Variants in PDE1A observed in about 807,000 individuals in gnomAD.
PDE1A encodes the protein phosphodiesterase 1A, also known as dual specificity calcium/calmodulin-dependent 3',5'-cyclic nucleotide phosphodiesterase 1A.
In PDE1A, 35 loss-of-function variants were observed where a neutral mutation model predicts 61.7. The observed-to-expected ratio is 0.57, with a 90% CI of 0.43 to 0.75. PDE1A has a LOEUF of 0.75. Among genes scored for constraint, PDE1A ranks in the 30% least tolerant of loss-of-function variants. The pLI, the probability that PDE1A is intolerant of heterozygous loss-of-function variation, is 0.00. For missense variants in PDE1A, 597 were observed against 630.6 expected (o/e 0.95, Z 0.57); for synonymous variants, 232 against 213.2 (o/e 1.09, Z -0.77).
At chr2:182,326,003 T>C (rs560138135) in intron 1 of PDE1A, among the ~76,000 whole-genome samples, 1 of 152,118 alleles carries the variant, frequency 6.6e-6, no homozygotes, top group Non-Finnish European at 1.5e-5. Flanking sequence ...TCCAAAGCTA[T>C]ATAAATGGCA....
the PDE1A span, among the ~76,000 whole-genome samples, chr2:182,577,931 C>CGGAAGGAAGGAAGGAAGGAAGGAAGGAA: frequency 6.7e-4 from 55 of 82,224 alleles, 1 homozygote; most frequent in African/African-American, 2.4e-3. Context: ...AGAAAGAAAA[C>CGGAAGGAAGGAAGGAAGGAAGGAAGGAA]GGAAGGAAGG....
the PDE1A span, among the ~76,000 whole-genome samples, chr2:182,569,845 C>T: frequency 6.6e-6 from 1 of 152,202 alleles, no homozygotes; most frequent in African/African-American, 2.4e-5. Context: ...AACCTTCTTT[C>T]GATACTACTC....
chr2:182,472,838 C>A lies in PDE1A; in HGVS notation c.101+49438G>T, dbSNP rs566109281. On this transcript the variant is annotated intron_variant, in intron 2 of 14. Coordinates refer to the PDE1A transcript ENST00000410103. The stretch of plus-strand genomic sequence containing the variant: ...TCTTTAGGCAAAAAGAAAAACAAAA[C>A]TTTTTTTAAATAAATACATTTAGAG... 5.3e-5 allele frequency among the ~76,000 whole-genome samples: 8 copies of A among 151,868 alleles called. No homozygotes were observed. The South Asian group carries it at 1.7e-3, about 32-fold the overall frequency.
intron 1 of PDE1A, among the ~76,000 whole-genome samples, chr2:182,366,922 A>G (rs1376890952): frequency 6.6e-6 from 1 of 152,092 alleles, no homozygotes; most frequent in Non-Finnish European, 1.5e-5. Flanking sequence ...ACAAGCTTGT[A>G]TTAAATCATT....
intron 2 of PDE1A, among the ~76,000 whole-genome samples, chr2:182,478,273 T>C (rs763766691): frequency 4.6e-5 from 7 of 151,870 alleles, no homozygotes; most frequent in Non-Finnish European, 7.4e-5. Context: ...AACCATCTTG[T>C]TCAATACATT....
chr2:182,269,317 C>T (rs1016832499), intron 1 of PDE1A, among the ~76,000 whole-genome samples: 2 of 151,666 alleles, frequency 1.3e-5, no homozygotes, highest in African/African-American at 4.8e-5. Flanking sequence ...GGAGAAACTC[C>T]GTCTCTACTA....
At chr2:182,491,592 T>C (rs1198634172) in intron 2 of PDE1A, among the ~76,000 whole-genome samples, 1 of 152,232 alleles carries the variant, frequency 6.6e-6, no homozygotes, top group African/African-American at 2.4e-5. Flanking sequence ...ACATTTGTCC[T>C]AAGAAGAAAG....
Position 182,363,589 on chromosome 2 carries a change from C to T in PDE1A, c.53+62989G>A, listed in dbSNP as rs182419608. 1.3e-3 allele frequency among the ~76,000 whole-genome samples: 204 copies of T among 152,066 alleles called. 2 individuals carry two copies. The highest frequency in any genetic ancestry group is 4.4e-3 in the African/African-American group (182 of 41,520). ...TGTTCCAGGCAGAGGGAGTAACACA[C>T]GCCAAAATTCTAAGTGGTGATGAAG... On this transcript the variant is annotated intron_variant, in intron 1 of 13. Coordinates refer to ENST00000351439, the Ensembl canonical transcript of PDE1A.
At chr2:182,250,418 A>G (rs1300221885) in intron 2 of PDE1A, among the ~76,000 whole-genome samples, 1 of 152,186 alleles carries the variant, frequency 6.6e-6, no homozygotes, top group Admixed American at 6.5e-5. Flanking sequence ...TGCCATATCT[A>G]CTTGTCAGTA....
intron 2 of PDE1A, among the ~76,000 whole-genome samples, chr2:182,446,738 T>C (rs1270841046): frequency 2.0e-5 from 3 of 152,104 alleles, no homozygotes; most frequent in Admixed American, 6.6e-5. Context: ...CCTTCAATGA[T>C]TAAGCAGCCT....
intron 9 of PDE1A, 38 bp downstream of exon 9, chr2:182,201,650 C>CACA (rs111979949): frequency 2.0e-5 from 25 of 1,268,334 alleles, no homozygotes; most frequent in South Asian, 6.1e-5. Flanking sequence ...TTTAACATGA[C>CACA]AAAAAAAAAA....
At chr2:182,589,474 A>C in the PDE1A span, among the ~76,000 whole-genome samples, 7 of 152,164 alleles carry the variant, frequency 4.6e-5, no homozygotes, top group African/African-American at 1.7e-4. Flanking sequence ...GTCCATTATG[A>C]CTTGGTGGAA....
intron 2 of PDE1A, among the ~76,000 whole-genome samples, chr2:182,251,444 A>G (rs1408879978): frequency 6.6e-6 from 1 of 152,138 alleles, no homozygotes; most frequent in Non-Finnish European, 1.5e-5. Flanking sequence ...CATCTAGAAG[A>G]GTAGTTTCAA....
chr2:182,555,453 T>A, the PDE1A span, among the ~76,000 whole-genome samples: 5 of 152,218 alleles, frequency 3.3e-5, no homozygotes, highest in Admixed American at 2.0e-4. Context: ...TTTTTTCACA[T>A]AAATTAACCA....
intron 7 of PDE1A, among the ~76,000 whole-genome samples, chr2:182,220,375 C>T (rs897255667): frequency 6.6e-6 from 1 of 152,040 alleles, no homozygotes; most frequent in East Asian, 1.9e-4. Flanking sequence ...CTAGCCATAG[C>T]AGATTTGTCA....
At chr2:182,340,563 T>C (rs577066198) in intron 1 of PDE1A, among the ~76,000 whole-genome samples, 1 of 152,292 alleles carries the variant, frequency 6.6e-6, no homozygotes, top group African/African-American at 2.4e-5. Context: ...AGCCCTTAAC[T>C]ACATGTAGCA....
the PDE1A span, among the ~76,000 whole-genome samples, chr2:182,701,225 C>T: frequency 6.6e-5 from 10 of 151,408 alleles, no homozygotes; most frequent in South Asian, 6.3e-4. Flanking sequence ...TTAGTAAAGA[C>T]GGGGTTTCAC....
chr2:182,532,961 A>AAAAAC, the PDE1A span, among the ~76,000 whole-genome samples: 1 of 149,470 alleles, frequency 6.7e-6, no homozygotes, highest in Non-Finnish European at 1.5e-5. Flanking sequence ...AAAAAAAAAA[A>AAAAAC]AAAAAAAAAA....
chr2:182,276,663 C>G (rs1693434600), intron 1 of PDE1A, among the ~76,000 whole-genome samples: 1 of 151,988 alleles, frequency 6.6e-6, no homozygotes, highest in African/African-American at 2.4e-5. Context: ...GGAAGACAAC[C>G]ATAAGGTCTG....
Sources: allele counts gnomAD v4.1 joint callset (sites outside exome capture counted in the v4.1 genomes callset), GRCh38; gene constraint gnomAD v4.1.1; transcripts MANE v1.5; gene names NCBI Gene and HGNC (gene_info 2026-07-23, HGNC 2026-07-21).